Variants in POTEC observed in about 807,000 individuals in gnomAD.
POTEC encodes ANKRD26-like family B member 2.
POTEC carries 35 observed loss-of-function variants against 62.0 expected under a neutral mutation model. That is an observed-to-expected ratio of 0.56 (90% CI 0.43 to 0.75). The LOEUF (loss-of-function observed/expected upper bound fraction) is 0.75, where lower values mean the gene tolerates loss of function less well. POTEC is among the 30% of genes least tolerant of loss of function. The pLI, the probability that POTEC is intolerant of heterozygous loss-of-function variation, is 0.00. For missense variants in POTEC, 472 were observed against 655.9 expected (o/e 0.72, Z 3.06); for synonymous variants, 156 against 221.5 (o/e 0.70, Z 2.62).
At chr18:14,516,773 A>G (rs1000186267) in intron 9 of POTEC, among the ~76,000 whole-genome samples, 23 of 151,816 alleles carry the variant, frequency 1.5e-4, no homozygotes, top group Admixed American at 6.6e-4. Flanking sequence ...TGACCTGGTA[A>G]ATTTTCTTCA....
intron 9 of POTEC, among the ~76,000 whole-genome samples, chr18:14,521,186 C>CTCAGGCACTGACA (rs1354085268): frequency 6.6e-6 from 1 of 152,112 alleles, no homozygotes; most frequent in Admixed American, 6.6e-5. Context: ...TATTTCGGCA[C>CTCAGGCACTGACA]TCAGGCACTG....
intron 1 of POTEC, among the ~76,000 whole-genome samples, chr18:14,538,671 T>G (rs1435124713): frequency 6.6e-6 from 1 of 152,062 alleles, no homozygotes; most frequent in Non-Finnish European, 1.5e-5. Flanking sequence ...TGTAAGATAT[T>G]ATAATTTTTA....
intron 4 of POTEC, among the ~76,000 whole-genome samples, chr18:14,534,194 G>C (rs567482482): frequency 1.6e-3 from 236 of 148,638 alleles, no homozygotes; most frequent in African/African-American, 5.7e-3. Flanking sequence ...TTGTTCTTGC[G>C]ATAGTTTACT....
At chr18:14,537,168 TAAC>T (rs1161731993) in intron 3 of POTEC, among the ~76,000 whole-genome samples, 1 of 56,474 alleles carries the variant, frequency 1.8e-5, no homozygotes, top group East Asian at 4.1e-4. Flanking sequence ...TGAACAACAA[TAAC>T]AACACACACA....
chr18:14,519,578 A>T (rs1040222431), intron 9 of POTEC, among the ~76,000 whole-genome samples: 1 of 152,056 alleles, frequency 6.6e-6, no homozygotes, highest in Non-Finnish European at 1.5e-5. Context: ...TCAGCTGAGC[A>T]TGGTGGCATG....
At position 14,511,332 on chromosome 18, in the gene POTEC, A is replaced by G. The variant is rs1910001653; in HGVS notation, c.*566T>C. 2 of 217,016 alleles carry G rather than the reference A, an allele frequency of 9.2e-6. No individual in the cohort carries two copies. Among genetic ancestry groups the G allele is most frequent in the South Asian group, 1.4e-4 (2 of 14,666 alleles). The allele number at this position is 217,016 out of a possible 1,614,324, so 13.4% of individuals were successfully genotyped here. Reference sequence around the variant, plus strand: ...TGGTAAAGCAGCTGTGCTATGCCACAGGATCTCTTCTGCCCCTGGTGGGTT... The same window carrying G: ...TGGTAAAGCAGCTGTGCTATGCCACGGGATCTCTTCTGCCCCTGGTGGGTT... On this transcript the variant is annotated 3_prime_UTR_variant, in exon 11 of 11. Transcript: ENST00000358970.
At chr18:14,519,371 G>T (rs1490498537) in intron 9 of POTEC, among the ~76,000 whole-genome samples, 1 of 152,160 alleles carries the variant, frequency 6.6e-6, no homozygotes, top group Non-Finnish European at 1.5e-5. Context: ...TAAGGAGAGA[G>T]ATCTGAGCTG....
At chr18:14,529,248 CTGTCTGTATTTTTAATTG>C (rs1905420903) in intron 6 of POTEC, among the ~76,000 whole-genome samples, 1 of 152,054 alleles carries the variant, frequency 6.6e-6, no homozygotes, top group African/African-American at 2.4e-5. Context: ...TAACAAGCTC[CTGTCTGTATTTTTAATTG>C]TGTGTGTTCT....
chr18:14,527,326 G>A (rs1203769386), intron 6 of POTEC, among the ~76,000 whole-genome samples: 1 of 152,120 alleles, frequency 6.6e-6, no homozygotes, highest in Non-Finnish European at 1.5e-5. Context: ...GATTCTGTTT[G>A]GCTGCAGGCT....
chr18:14,518,786 T>G (rs1317829416), intron 9 of POTEC, among the ~76,000 whole-genome samples: 2 of 145,854 alleles, frequency 1.4e-5, no homozygotes, highest in African/African-American at 5.1e-5. Flanking sequence ...ATCACAGAGG[T>G]GTGCCTGGCA....
intron 6 of POTEC, among the ~76,000 whole-genome samples, chr18:14,525,758 C>G (rs1199892082): frequency 6.6e-6 from 1 of 152,098 alleles, no homozygotes; most frequent in Non-Finnish European, 1.5e-5. Flanking sequence ...CACTGGGTCT[C>G]TCCTGCCTCC....
At chr18:14,540,782 G>A (rs1458084365) in intron 1 of POTEC, among the ~76,000 whole-genome samples, 3 of 152,172 alleles carry the variant, frequency 2.0e-5, no homozygotes, top group Non-Finnish European at 4.4e-5. Flanking sequence ...TTGAAAAGTC[G>A]CAGCAACTTA....
At chr18:14,515,249 T>C (rs1455334225) in intron 9 of POTEC, among the ~76,000 whole-genome samples, 2 of 152,108 alleles carry the variant, frequency 1.3e-5, no homozygotes, top group East Asian at 1.9e-4. Context: ...GCAACAGACA[T>C]ACCAAGCAAA....
intron 1 of POTEC, among the ~76,000 whole-genome samples, chr18:14,539,056 A>G (rs1490648547): frequency 6.6e-6 from 1 of 152,108 alleles, no homozygotes. Context: ...AACAAAAACA[A>G]TTTTCTAAAA....
rs1046797856 is a variant in POTEC, at chr18:14,543,230, G to T, written c.-84C>A. 1.3e-6 allele frequency: 2 copies of T among 1,564,612 alleles called. No individual in the cohort carries two copies. The highest frequency in any genetic ancestry group is 2.3e-5 in the East Asian group (1 of 44,342). ...TTTCACCAACTAGCAGGAAACCCTG[G>T]GTTTCCAATCTGTTTGAAGAGAAAG... On this transcript the variant is annotated 5_prime_UTR_variant, in exon 1 of 11. Transcript: ENST00000358970.
intron 9 of POTEC, among the ~76,000 whole-genome samples, chr18:14,520,811 A>C (rs1910287477): frequency 6.6e-6 from 1 of 152,114 alleles, no homozygotes; most frequent in Non-Finnish European, 1.5e-5. Flanking sequence ...TTCACTTTAC[A>C]GTCCATAGAG....
At chr18:14,513,119 G>T (rs1271045816) in intron 10 of POTEC, among the ~76,000 whole-genome samples, 1 of 151,770 alleles carries the variant, frequency 6.6e-6, no homozygotes, top group African/African-American at 2.4e-5. Flanking sequence ...GTGTATCATG[G>T]CATGTCATTG....
intron 6 of POTEC, among the ~76,000 whole-genome samples, chr18:14,526,223 T>C (rs1910433558): frequency 6.6e-6 from 1 of 152,090 alleles, no homozygotes. Flanking sequence ...AAAACAATGC[T>C]ATGGGAAGTC....
intron 6 of POTEC, 146 bp downstream of exon 6, chr18:14,530,337 C>T: frequency 3.9e-6 from 4 of 1,015,698 alleles, no homozygotes; most frequent in Non-Finnish European, 5.7e-6. Context: ...TAAAGTAGCA[C>T]AATAAATGAA....
Sources: allele counts gnomAD v4.1 joint callset (sites outside exome capture counted in the v4.1 genomes callset), GRCh38; gene constraint gnomAD v4.1.1; transcripts MANE v1.5; gene names NCBI Gene and HGNC (gene_info 2026-07-23, HGNC 2026-07-21).